SNRPA1: variants seen among roughly 807,000 people sequenced by gnomAD.
SNRPA1 encodes the protein small nuclear ribonucleoprotein polypeptide A', also known as U2 small nuclear ribonucleoprotein A'.
In SNRPA1, 5 loss-of-function variants were observed where a neutral mutation model predicts 32.3. That is an observed-to-expected ratio of 0.15 (90% CI 0.08 to 0.33). SNRPA1 has a LOEUF of 0.33. SNRPA1 is among the 10% of genes least tolerant of loss of function. The pLI is 1.00. For missense variants in SNRPA1, 198 were observed against 311.1 expected (o/e 0.64, Z 2.74); for synonymous variants, 111 against 120.1 (o/e 0.92, Z 0.50).
intron 3 of SNRPA1, among the ~76,000 whole-genome samples, chr15:101,289,208 C>T (rs759020101): frequency 2.0e-5 from 3 of 152,052 alleles, no homozygotes; most frequent in African/African-American, 2.4e-5. Flanking sequence ...AACGTAATGG[C>T]GATGTAGTGA....
chr15:101,286,659 C>T (rs986004807), intron 5 of SNRPA1: 7 of 486,002 alleles, frequency 1.4e-5, no homozygotes, highest in South Asian at 1.1e-4. Context: ...ACTGTTAAGA[C>T]TGCTCACCGT....
intron 4 of SNRPA1, 51 bp from the exon 5 acceptor site, chr15:101,287,061 C>CAA (rs780726359): frequency 1.1e-6 from 1 of 942,890 alleles, no homozygotes; most frequent in African/African-American, 1.6e-5. Context: ...GCACAGCACT[C>CAA]AAGAGGTCTG....
At position 101,292,185 on chromosome 15, in the gene SNRPA1, C is replaced by T. The variant is rs577030059; in HGVS notation, c.231-145G>A. On this transcript the variant is annotated intron_variant, in intron 2 of 8. Transcript: ENST00000254193. ...AAAGAGGAAACAAAGCAAAAAGAAC[C>T]CTTTTCTGAGGCCACAGGGTCAGCA... 65 of 599,434 alleles carry T rather than the reference C, an allele frequency of 1.1e-4. 1 individual carries two copies. The African/African-American group carries it at 1.1e-3, about 10-fold the overall frequency. 37.1% of individuals were successfully genotyped at this position (599,434 alleles called of 1,614,324 possible).
rs1427337113 is a variant in SNRPA1, at chr15:101,281,539, T to C, written c.*185A>G. On this transcript the variant is annotated 3_prime_UTR_variant, in exon 9 of 9. Transcript: ENST00000254193. ...TAGCATAGTGAGTGGAGTTTATTTT[T>C]ATAATTTGTAGAAAATTGACATTTA... The C allele has an allele frequency of 5.2e-6, 3 of 574,576 alleles. No homozygotes were observed. Among genetic ancestry groups the C allele is most frequent in the East Asian group, 6.0e-5 (2 of 33,594 alleles). The allele number at this position is 574,576 out of a possible 1,614,324, so 35.6% of individuals were successfully genotyped here.
rs373329968 is a variant in SNRPA1 at position 101,292,984 on chromosome 15, T to G, written c.230+41A>C. 6.2e-5 allele frequency: 91 copies of G among 1,460,810 alleles called. No individual in the cohort carries two copies. In the East Asian group the frequency reaches 1.9e-3, roughly 30 times the overall value. 90.5% of individuals were successfully genotyped at this position (1,460,810 alleles called of 1,614,324 possible). A position where few individuals can be genotyped will look rare whatever the true frequency, so the allele number is the denominator to read the frequency against. On this transcript the variant is annotated intron_variant, in intron 2 of 8. Coordinates refer to ENST00000254193, the MANE Select transcript of SNRPA1 (RefSeq NM_003090.4). Reference sequence around the variant, plus strand: ...CTTCTTCAGGAAACACTGCAACATTTACTCTAGGGGAAAAAATTACTTTCC... The same window carrying G: ...CTTCTTCAGGAAACACTGCAACATTGACTCTAGGGGAAAAAATTACTTTCC...
intron 1 of SNRPA1, among the ~76,000 whole-genome samples, chr15:101,294,167 CGGCGGT>C (rs1467528730): frequency 6.6e-6 from 1 of 152,194 alleles, no homozygotes; most frequent in Non-Finnish European, 1.5e-5. Context: ...ACCGGGGAGG[CGGCGGT>C]TGCAGTGAGC....
chr15:101,287,634 T>C, intron 4 of SNRPA1, 22 bp downstream of exon 4: 1 of 1,601,116 alleles, frequency 6.2e-7, no homozygotes, highest in East Asian at 2.2e-5. Flanking sequence ...CTTCATTTTG[T>C]CACAATATGT....
In SNRPA1 at chr15:101,292,285, G is replaced by C. The variant is rs2039534510; in HGVS notation, c.231-245C>G. Among the ~76,000 whole-genome samples the C allele has an allele frequency of 3.9e-5, 6 of 152,212 alleles. No individual in the cohort carries two copies. In the South Asian group the frequency reaches 1.2e-3, roughly 32 times the overall value. On this transcript the variant is annotated intron_variant, in intron 2 of 8. Coordinates refer to ENST00000254193, the MANE Select transcript of SNRPA1 (RefSeq NM_003090.4). The stretch of plus-strand genomic sequence containing the variant: ...CATCTAGTGGAACCTGAGAAAAGGT[G>C]CAACTCCTGGGTGGCACAAACTACT...
chr15:101,293,221 G>T (rs2039547445), intron 1 of SNRPA1, 49 bp from the exon 2 acceptor site: 4 of 1,333,964 alleles, frequency 3.0e-6, no homozygotes, highest in Non-Finnish European at 4.2e-6. Flanking sequence ...TAACTAAACA[G>T]TTGCCCCTTA....
At chr15:101,281,932 G>A (rs561091475) in intron 8 of SNRPA1, 150 bp from the exon 9 acceptor site, 21 of 708,204 alleles carry the variant, frequency 3.0e-5, no homozygotes, top group African/African-American at 7.1e-5. Context: ...GGAGCTTATC[G>A]TCCAGGGACG....
At chr15:101,285,135 A>G in intron 7 of SNRPA1, 75 bp from the exon 8 acceptor site, 3 of 1,003,848 alleles carry the variant, frequency 3.0e-6, no homozygotes, top group Admixed American at 1.7e-5. Context: ...CTAAGTGTCA[A>G]TCACCTACAG....
intron 3 of SNRPA1, among the ~76,000 whole-genome samples, chr15:101,289,253 G>A (rs1053372311): frequency 6.6e-6 from 1 of 152,210 alleles, no homozygotes; most frequent in African/African-American, 2.4e-5. Context: ...GTAACAACCC[G>A]AAGGCTGCTG....
chr15:101,294,981 A>G (rs2141317059), intron 1 of SNRPA1, 116 bp downstream of exon 1: 1 of 596,050 alleles, frequency 1.7e-6, no homozygotes, highest in Non-Finnish European at 2.7e-6. Flanking sequence ...GCCCGGTCGG[A>G]GCCCAGACAA....
chr15:101,285,877 GA>G, intron 6 of SNRPA1, 76 bp from the exon 7 acceptor site: 1 of 1,129,938 alleles, frequency 8.9e-7, no homozygotes, highest in South Asian at 1.3e-5. Context: ...AAAAGCTTTT[GA>G]AAGTAATTCA....
At chr15:101,286,877 A>G in intron 5 of SNRPA1, 31 bp downstream of exon 5, 1 of 1,130,882 alleles carries the variant, frequency 8.8e-7, no homozygotes. Context: ...ACAACTCTAT[A>G]ATGGCTCACA....
intron 8 of SNRPA1, among the ~76,000 whole-genome samples, chr15:101,284,194 C>T (rs566485164): frequency 1.3e-5 from 2 of 152,330 alleles, no homozygotes; most frequent in East Asian, 3.9e-4. Flanking sequence ...GTGCTGTGTT[C>T]AGTCTCTCAG....
intron 8 of SNRPA1, among the ~76,000 whole-genome samples, chr15:101,282,333 A>G (rs1182359844): frequency 6.6e-6 from 1 of 152,254 alleles, no homozygotes; most frequent in African/African-American, 2.4e-5. Context: ...TGTTGACTTA[A>G]TGTCTGACTT....
chr15:101,282,399 G>A (rs914468027), intron 8 of SNRPA1, among the ~76,000 whole-genome samples: 8 of 152,196 alleles, frequency 5.3e-5, no homozygotes, highest in African/African-American at 1.7e-4. Context: ...TGTGCAATAC[G>A]GCATTTTGAT....
intron 8 of SNRPA1, among the ~76,000 whole-genome samples, chr15:101,284,127 G>A (rs980764971): frequency 4.6e-5 from 7 of 152,208 alleles, no homozygotes; most frequent in Non-Finnish European, 8.8e-5. Context: ...GCATAAAGCA[G>A]GCATTCAGAT....
Sources: allele counts gnomAD v4.1 joint callset (sites outside exome capture counted in the v4.1 genomes callset), GRCh38; gene constraint gnomAD v4.1.1; transcripts MANE v1.5; gene names NCBI Gene and HGNC (gene_info 2026-07-23, HGNC 2026-07-21).